Variants in SUPT6H observed in about 807,000 individuals in gnomAD.
SUPT6H encodes the protein transcription elongation factor SPT6.
In SUPT6H, 11 loss-of-function variants were observed where a neutral mutation model predicts 222.3. The observed-to-expected ratio is 0.05, with a 90% CI of 0.03 to 0.08. SUPT6H has a LOEUF of 0.08. Among genes scored for constraint, SUPT6H ranks in the 10% least tolerant of loss-of-function variants. The pLI is 1.00. For missense variants in SUPT6H, 1,422 were observed against 2,216.0 expected (o/e 0.64, Z 7.19); for synonymous variants, 762 against 801.2 (o/e 0.95, Z 0.83).
intron 21 of SUPT6H, 139 bp from the exon 22 acceptor site, chr17:28,686,949 T>G: frequency 1.3e-6 from 2 of 1,482,408 alleles, no homozygotes; most frequent in Non-Finnish European, 1.8e-6. Flanking sequence ...AGATTGGGAG[T>G]CCCAGAAATT....
rs1253736124 is a variant in SUPT6H, at chr17:28,690,235, T to C, written c.3490+6T>C. ...ACCAGAGACCTTCTACATTGGTAAATTCTGGGGTCATTTTTTTATTGGGGG... is the reference window on the plus strand; with the variant it reads ...ACCAGAGACCTTCTACATTGGTAAACTCTGGGGTCATTTTTTTATTGGGGG... On this transcript the variant is annotated splice_donor_region_variant and intron_variant, in intron 26 of 36. Coordinates refer to ENST00000314616, the MANE Select transcript of SUPT6H (RefSeq NM_003170.5). The C allele has an allele frequency of 6.2e-7, 1 of 1,613,120 alleles. No individual in the cohort carries two copies. Among genetic ancestry groups the C allele is most frequent in the South Asian group, 1.1e-5 (1 of 91,040 alleles).
intron 1 of SUPT6H, among the ~76,000 whole-genome samples, chr17:28,667,436 T>TATAC (rs56080250): frequency 2.3e-5 from 3 of 132,440 alleles, no homozygotes; most frequent in African/African-American, 5.6e-5. Flanking sequence ...TATATATATA[T>TATAC]GTATGTGTGT....
intron 29 of SUPT6H, among the ~76,000 whole-genome samples, chr17:28,696,010 T>C (rs1004667189): frequency 2.0e-5 from 3 of 151,590 alleles, no homozygotes; most frequent in African/African-American, 7.3e-5. Flanking sequence ...AAAAAAAATT[T>C]TTTAAATAGC....
intron 27 of SUPT6H, among the ~76,000 whole-genome samples, chr17:28,692,217 G>A (rs1439321559): frequency 3.3e-5 from 5 of 151,170 alleles, no homozygotes; most frequent in African/African-American, 4.9e-5. Context: ...CCAGCTACTC[G>A]GGAGGCTGAG....
In SUPT6H at chr17:28,683,136, T is replaced by C. The variant is rs764193577; in HGVS notation, c.1878+44T>C. On this transcript the variant is annotated intron_variant, in intron 15 of 36. Coordinates refer to ENST00000314616, the MANE Select transcript of SUPT6H (RefSeq NM_003170.5). ...TTTGATCCAAGATGTGCACCAGCTC[T>C]TTCTTTGATTGCCTGAGTTTCTTGC... 3.2e-6 allele frequency: 5 copies of C among 1,563,250 alleles called. No homozygotes were observed. In the East Asian group the frequency reaches 1.1e-4, roughly 35 times the overall value.
At chr17:28,686,316 G>A (rs754054610) in intron 19 of SUPT6H, 23 bp from the exon 20 acceptor site, 27 of 1,609,730 alleles carry the variant, frequency 1.7e-5, no homozygotes, top group Non-Finnish European at 2.3e-5. Context: ...GAGCCATTCA[G>A]CTTCAATTTT....
At chr17:28,683,522 T>A in intron 16 of SUPT6H, 99 bp from the exon 17 acceptor site, 1 of 1,582,516 alleles carries the variant, frequency 6.3e-7, no homozygotes, top group East Asian at 2.2e-5. Context: ...AATTTCAGAG[T>A]TGAGCAGGCT....
In SUPT6H at chr17:28,700,417, A is replaced by T; in HGVS notation, c.4711A>T (p.Thr1571Ser). ...GATGTTCAGTGCCATTGCTGCGGTG[A>T]CAGGCCAAGGACAGAACCCTAATGC... ...SQMFSAIAAV[T>S]GQGQNPNATP... Residue 1571 changes from threonine (T) to serine (S), a missense_variant, in exon 35 of 37, where the codon ACA becomes TCA. Thr to Ser is a moderately conservative substitution (Grantham distance 58). This residue lies in a region of SUPT6H where 395 missense variants were observed against 580.6 expected (regional missense o/e 0.68). Coordinates refer to ENST00000314616, the MANE Select transcript of SUPT6H (RefSeq NM_003170.5). 6.2e-7 allele frequency: 1 copy of T among 1,614,230 alleles called. No homozygotes were observed. The highest frequency in any genetic ancestry group is 1.1e-5 in the South Asian group (1 of 91,092).
At chr17:28,693,920 G>A in intron 28 of SUPT6H, 84 bp downstream of exon 28, 2 of 1,574,174 alleles carry the variant, frequency 1.3e-6, no homozygotes, top group Non-Finnish European at 1.7e-6. Flanking sequence ...GTCCCCACCA[G>A]AAGTTAGGCT....
chr17:28,687,949 G>C (rs1479826756), intron 23 of SUPT6H, 142 bp from the exon 24 acceptor site: 2 of 486,532 alleles, frequency 4.1e-6, no homozygotes, highest in East Asian at 9.4e-5. Context: ...TTTTAATTTT[G>C]AGTGGTCGAT....
Position 28,686,637 on chromosome 17 carries a change from A to T in SUPT6H, c.2565-17A>T. 2 of 1,574,908 alleles carry T rather than the reference A, an allele frequency of 1.3e-6. No homozygotes were observed. The highest frequency in any genetic ancestry group is 1.7e-6 in the Non-Finnish European group (2 of 1,161,834). On this transcript the variant is annotated splice_polypyrimidine_tract_variant and intron_variant, in intron 20 of 36. Transcript: ENST00000314616. Reference sequence around the variant, plus strand: ...CCCTAAGAAAACATATTCATTGACCAACACTCATCCCACCAGGGACGCCCA... The same window carrying T: ...CCCTAAGAAAACATATTCATTGACCTACACTCATCCCACCAGGGACGCCCA...
At position 28,700,408 on chromosome 17, in the gene SUPT6H, G is replaced by A. The variant is rs967233662; in HGVS notation, c.4702G>A (p.Ala1568Thr). ...GACTTCACAGATGTTCAGTGCCATT[G>A]CTGCGGTGACAGGCCAAGGACAGAA... The part of the protein sequence containing the change: ...NMTSQMFSAI[A>T]AVTGQGQNPN... Residue 1568 changes from alanine to threonine, a missense_variant, in exon 35 of 37, where the codon GCT becomes ACT. Physicochemically the swap from Ala to Thr is moderately conservative, Grantham distance 58. This residue lies in a region of SUPT6H where 395 missense variants were observed against 580.6 expected (regional missense o/e 0.68). Transcript: ENST00000314616. 1 of 1,614,114 alleles carries A rather than the reference G, an allele frequency of 6.2e-7. No individual in the cohort carries two copies. The highest frequency in any genetic ancestry group is 1.3e-5 in the African/African-American group (1 of 74,940).
At chr17:28,664,307 C>T (rs1249116218) in intron 1 of SUPT6H, among the ~76,000 whole-genome samples, 1 of 152,086 alleles carries the variant, frequency 6.6e-6, no homozygotes, top group Non-Finnish European at 1.5e-5. Flanking sequence ...CAGGAGTTCA[C>T]AACCAGCCTG....
chr17:28,679,839 A>C (rs2030991175), intron 11 of SUPT6H, among the ~76,000 whole-genome samples: 1 of 150,378 alleles, frequency 6.6e-6, no homozygotes, highest in Non-Finnish European at 1.5e-5. Flanking sequence ...AAAATACAAA[A>C]ATTAGCTGGG....
intron 12 of SUPT6H, 69 bp from the exon 13 acceptor site, chr17:28,681,813 C>A: frequency 7.1e-7 from 1 of 1,409,608 alleles, no homozygotes; most frequent in South Asian, 1.3e-5. Flanking sequence ...AGGCTTCTCT[C>A]CTAATGTGTC....
intron 1 of SUPT6H, among the ~76,000 whole-genome samples, chr17:28,671,385 TC>T (rs943274421): frequency 2.6e-5 from 4 of 152,236 alleles, no homozygotes; most frequent in African/African-American, 9.6e-5. Flanking sequence ...ATTTATGTTT[TC>T]ATGATTTTTA....
At position 28,669,547 on chromosome 17, in the gene SUPT6H, T is replaced by C. The variant is rs141492699; in HGVS notation, c.-31-3824T>C. Among the ~76,000 whole-genome samples the C allele has an allele frequency of 5.3e-5, 8 of 152,322 alleles. No homozygotes were observed. The East Asian group carries it at 1.4e-3, about 26-fold the overall frequency. ...GACTGGGTGTGGTGGCTCACTCCTG[T>C]AATCCCAGAACTTTGGAAGGTCGAG... On this transcript the variant is annotated intron_variant, in intron 1 of 36. Coordinates refer to ENST00000314616, the MANE Select transcript of SUPT6H (RefSeq NM_003170.5).
chr17:28,676,511 T>C, intron 7 of SUPT6H, 81 bp downstream of exon 7: 1 of 1,592,918 alleles, frequency 6.3e-7, no homozygotes, highest in South Asian at 1.1e-5. Context: ...AAGTCTGGCA[T>C]TGAGTATCCA....
At chr17:28,679,246 G>A (rs956120724) in intron 11 of SUPT6H, among the ~76,000 whole-genome samples, 3 of 152,150 alleles carry the variant, frequency 2.0e-5, no homozygotes, top group African/African-American at 4.8e-5. Flanking sequence ...AGTGGCACAC[G>A]CCTGTAATCC....
Sources: gnomAD v4.1 joint callset for allele counts (sites outside exome capture counted in the v4.1 genomes callset) on GRCh38, gnomAD v4.1.1 for gene constraint, gnomAD v4.1.1 regional missense constraint, MANE v1.5 for transcripts, NCBI Gene and HGNC (gene_info 2026-07-23, HGNC 2026-07-21) for gene names.